Variants in FER observed in about 807,000 individuals in gnomAD.
The protein encoded by FER is FER tyrosine kinase.
A neutral mutation model predicts 111.0 loss-of-function variants in FER; 63 were observed. The ratio of observed to expected loss-of-function variants is 0.57; its 90% CI spans 0.46 to 0.70. The LOEUF is 0.70. FER is among the 30% of genes least tolerant of loss of function. FER has a pLI of 0.00. For missense variants in FER, 914 were observed against 954.0 expected, an observed-to-expected ratio of 0.96 and a Z score of 0.55; for synonymous variants, 327 against 313.9, an observed-to-expected ratio of 1.04 and a Z score of -0.44.
intron 3 of FER, among the ~76,000 whole-genome samples, chr5:108,803,223 G>C (rs1467373424): frequency 1.3e-5 from 2 of 151,804 alleles, no homozygotes; most frequent in African/African-American, 4.8e-5. Context: ...GTTCTGTGTA[G>C]AACATTAGTC....
At chr5:108,827,215 A>G (rs1045253447) in intron 3 of FER, among the ~76,000 whole-genome samples, 3 of 152,204 alleles carry the variant, frequency 2.0e-5, no homozygotes, top group Admixed American at 6.5e-5. Context: ...AAAATCTTCA[A>G]CACTTTTGGA....
intron 2 of FER, among the ~76,000 whole-genome samples, chr5:108,794,926 T>G (rs1009087257): frequency 6.6e-6 from 1 of 152,236 alleles, no homozygotes; most frequent in African/African-American, 2.4e-5. Context: ...TTTACATCTT[T>G]CTACAGGTTT....
intron 5 of FER, among the ~76,000 whole-genome samples, chr5:108,862,917 G>A (rs931321146): frequency 6.6e-6 from 1 of 151,990 alleles, no homozygotes; most frequent in African/African-American, 2.4e-5. Context: ...AGGAGTTAGT[G>A]AACTTTTACT....
intron 13 of FER, among the ~76,000 whole-genome samples, chr5:108,993,400 G>T (rs944632171): frequency 6.6e-6 from 1 of 152,160 alleles, no homozygotes; most frequent in Non-Finnish European, 1.5e-5. Context: ...CCAGTCAGGC[G>T]TGGCCGCGCG....
chr5:109,051,416 C>A, intron 16 of FER: 8 of 1,612,916 alleles, frequency 5.0e-6, no homozygotes, highest in Non-Finnish European at 6.8e-6. Context: ...TCATGTCCAG[C>A]AGCTAGTTTT....
At chr5:108,875,814 A>T (rs1053007644) in intron 8 of FER, among the ~76,000 whole-genome samples, 2 of 152,176 alleles carry the variant, frequency 1.3e-5, no homozygotes, top group Non-Finnish European at 2.9e-5. Flanking sequence ...TAAAGCAGTA[A>T]AGAATTAAGG....
chr5:109,107,937 A>T (rs77907395), intron 17 of FER, among the ~76,000 whole-genome samples: 1 of 152,182 alleles, frequency 6.6e-6, no homozygotes, highest in South Asian at 2.1e-4. Flanking sequence ...TATGGACACA[A>T]ATAATTGGCC....
rs142328675 is a variant in FER, at chr5:108,791,475, G to A, written c.-59-6649G>A. ...AAATCCTTTGTCCATTTTTTTGTTC[G>A]TTTTTCTTATTATTGAGTTGTAAAA... On this transcript the variant is annotated intron_variant, in intron 2 of 19. Coordinates refer to ENST00000281092, the MANE Select transcript of FER (RefSeq NM_005246.4). Among the ~76,000 whole-genome samples the A allele has an allele frequency of 3.0e-3, 447 of 150,328 alleles. 1 individual carries two copies. The highest frequency in any genetic ancestry group is 0.011 in the South Asian group (54 of 4,790).
intron 16 of FER, among the ~76,000 whole-genome samples, chr5:109,078,346 T>C (rs935252452): frequency 6.6e-6 from 1 of 152,196 alleles, no homozygotes; most frequent in Non-Finnish European, 1.5e-5. Flanking sequence ...ATATTTTTTA[T>C]CCACTGACAA....
At chr5:108,937,184 G>T (rs1480001122) in intron 10 of FER, among the ~76,000 whole-genome samples, 1 of 151,800 alleles carries the variant, frequency 6.6e-6, no homozygotes, top group Non-Finnish European at 1.5e-5. Context: ...AATAATTTGA[G>T]TTAAGAAACC....
rs183260455 is a variant in FER at position 108,771,797 on chromosome 5, C to T, written c.-60+3559C>T. ...TTAAAGACATCATGATAACTTAAAA[C>T]TTTTAGCATGCAGATCCTGAGAACA... On this transcript the variant is annotated intron_variant, in intron 2 of 19. Transcript: ENST00000281092. Among the ~76,000 whole-genome samples, 1,018 of 152,176 alleles carry T rather than the reference C, an allele frequency of 6.7e-3. 10 individuals carry two copies. The highest frequency in any genetic ancestry group is 0.01 in the Non-Finnish European group (710 of 68,000).
intron 3 of FER, among the ~76,000 whole-genome samples, chr5:108,807,378 C>T (rs754630785): frequency 2.6e-5 from 4 of 152,132 alleles, no homozygotes; most frequent in Non-Finnish European, 5.9e-5. Context: ...AGGAATTTGT[C>T]CATTCCTGTA....
In FER at chr5:108,832,804, TTAG is replaced by T. The variant is rs1468115945; in HGVS notation, c.246_248del (p.Ser82del). The stretch of plus-strand genomic sequence containing the variant: ...CTTATGATTCAGCAGACAGAACAAC[TTAG>T]TAGGATAATGAAGACACATGCAGAG... On this transcript the variant is annotated inframe_deletion, in exon 4 of 20. Coordinates refer to ENST00000281092, the MANE Select transcript of FER (RefSeq NM_005246.4). 4.4e-6 allele frequency: 7 copies of T among 1,578,574 alleles called. No homozygotes were observed. Among genetic ancestry groups the T allele is most frequent in the Non-Finnish European group, 6.0e-6 (7 of 1,163,028 alleles).
chr5:109,185,524 C>G (rs1349146052), intron 18 of FER, among the ~76,000 whole-genome samples: 1 of 152,074 alleles, frequency 6.6e-6, no homozygotes, highest in Non-Finnish European at 1.5e-5. Flanking sequence ...CTTGGTTAAT[C>G]TCCTAGGATT....
At chr5:108,972,524 G>C (rs947699988) in intron 13 of FER, among the ~76,000 whole-genome samples, 2 of 152,122 alleles carry the variant, frequency 1.3e-5, no homozygotes, top group Non-Finnish European at 2.9e-5. Flanking sequence ...GATCTTTGAA[G>C]TAGTTATGGC....
At chr5:108,826,825 A>G (rs533237766) in intron 3 of FER, among the ~76,000 whole-genome samples, 24 of 152,280 alleles carry the variant, frequency 1.6e-4, no homozygotes, top group Non-Finnish European at 3.4e-4. Context: ...CAGTCTTGGT[A>G]GGTTGTATTT....
intron 17 of FER, among the ~76,000 whole-genome samples, chr5:109,127,732 A>T (rs1290295180): frequency 1.3e-5 from 2 of 152,102 alleles, no homozygotes; most frequent in Non-Finnish European, 2.9e-5. Flanking sequence ...GATTAGAAAA[A>T]TATTACTAAT....
chr5:108,991,565 T>C (rs911904171), intron 13 of FER, among the ~76,000 whole-genome samples: 2 of 152,160 alleles, frequency 1.3e-5, no homozygotes, highest in Non-Finnish European at 2.9e-5. Flanking sequence ...TATTCCAGGA[T>C]TGTCATTTAT....
chr5:108,831,970 C>CT (rs35137138), intron 3 of FER, among the ~76,000 whole-genome samples: 53 of 149,836 alleles, frequency 3.5e-4, no homozygotes, highest in South Asian at 1.3e-3. Flanking sequence ...TCCTCTGTTC[C>CT]TTTTTTTTTT....
Sources: gnomAD v4.1 joint callset for allele counts (sites outside exome capture counted in the v4.1 genomes callset) on GRCh38, gnomAD v4.1.1 for gene constraint, MANE v1.5 for transcripts, NCBI Gene and HGNC (gene_info 2026-07-23, HGNC 2026-07-21) for gene names.